The following UBR1 variants were observed in gnomAD, a reference collection of about 807,000 sequenced individuals.
UBR1 encodes the protein ubiquitin protein ligase E3 component n-recognin 1.
A neutral mutation model predicts 242.1 loss-of-function variants in UBR1; 102 were observed. The ratio of observed to expected loss-of-function variants is 0.42; its 90% confidence interval spans 0.36 to 0.50. The LOEUF (loss-of-function observed/expected upper bound fraction) is 0.50, where lower values mean the gene tolerates loss of function less well. Ranked by LOEUF, UBR1 falls within the 20% of genes least tolerant of loss-of-function variation. The pLI, the probability that UBR1 is intolerant of heterozygous loss-of-function variation, is 0.01. For missense variants in UBR1, 1,772 were observed against 2,101.8 expected (o/e 0.84, Z 3.07); for synonymous variants, 675 against 684.8 (o/e 0.99, Z 0.22).
intron 6 of UBR1, among the ~76,000 whole-genome samples, chr15:43,063,629 C>T (rs2033714698): frequency 6.6e-6 from 1 of 152,048 alleles, no homozygotes; most frequent in Non-Finnish European, 1.5e-5. Context: ...CATACTGAGA[C>T]CCTGTCTCTT....
intron 27 of UBR1, 66 bp from the exon 28 acceptor site, chr15:43,017,247 A>G (rs1567127006): frequency 2.7e-6 from 3 of 1,099,996 alleles, no homozygotes; most frequent in Non-Finnish European, 4.1e-6. Context: ...GAACAGAAAC[A>G]TTCACTAATC....
intron 29 of UBR1, among the ~76,000 whole-genome samples, chr15:43,013,508 C>A (rs1471776379): frequency 6.6e-6 from 1 of 152,094 alleles, no homozygotes; most frequent in East Asian, 1.9e-4. Context: ...TATAAGCCAC[C>A]TTTTTCAGGC....
intron 25 of UBR1, among the ~76,000 whole-genome samples, chr15:43,024,333 G>A (rs913818727): frequency 6.6e-6 from 1 of 152,158 alleles, no homozygotes; most frequent in African/African-American, 2.4e-5. Flanking sequence ...ATTAAGTAAC[G>A]TGTATTTATC....
chr15:42,970,981 C>G (rs761758680), intron 39 of UBR1, among the ~76,000 whole-genome samples: 1 of 152,184 alleles, frequency 6.6e-6, no homozygotes, highest in South Asian at 2.1e-4. Context: ...TTCCAAAGTG[C>G]TGGAATTACA....
At chr15:43,083,349 T>C (rs1321934295) in intron 2 of UBR1, among the ~76,000 whole-genome samples, 2 of 152,158 alleles carry the variant, frequency 1.3e-5, no homozygotes, top group Non-Finnish European at 2.9e-5. Flanking sequence ...AAGAACAATA[T>C]AAATTAGTGC....
intron 19 of UBR1, among the ~76,000 whole-genome samples, chr15:43,034,401 C>T (rs746548802): frequency 2.6e-5 from 4 of 151,818 alleles, no homozygotes; most frequent in Admixed American, 6.6e-5. Flanking sequence ...GATGGCGCCA[C>T]AGCACTCCAG....
intron 1 of UBR1, among the ~76,000 whole-genome samples, chr15:43,094,580 C>A (rs753630052): frequency 2.0e-5 from 3 of 151,820 alleles, no homozygotes; most frequent in African/African-American, 7.3e-5. Flanking sequence ...GCAAGCAAAG[C>A]ATTCTTTGGC....
chr15:43,030,829 C>T (rs911971296), intron 20 of UBR1, among the ~76,000 whole-genome samples: 7 of 152,188 alleles, frequency 4.6e-5, no homozygotes, highest in African/African-American at 1.7e-4. Flanking sequence ...TACAAAGAAA[C>T]CCCTTGCCTA....
intron 19 of UBR1, among the ~76,000 whole-genome samples, chr15:43,033,676 T>A (rs540721796): frequency 1.3e-5 from 2 of 152,164 alleles, no homozygotes; most frequent in African/African-American, 4.8e-5. Flanking sequence ...AAAATTTATA[T>A]ATTTATTTAT....
At chr15:42,982,669 T>C (rs1789601777) in intron 37 of UBR1, among the ~76,000 whole-genome samples, 1 of 152,050 alleles carries the variant, frequency 6.6e-6, no homozygotes, top group Admixed American at 6.6e-5. Flanking sequence ...CTTGTGGGGA[T>C]TGACAAGGAA....
chr15:43,056,550 T>A, intron 10 of UBR1, 108 bp from the exon 11 acceptor site: 1 of 712,248 alleles, frequency 1.4e-6, no homozygotes, highest in East Asian at 2.7e-5. Flanking sequence ...AAATGTCAAG[T>A]AATATAATTC....
intron 3 of UBR1, among the ~76,000 whole-genome samples, chr15:43,080,980 T>G (rs1317621943): frequency 1.3e-5 from 2 of 152,210 alleles, no homozygotes; most frequent in Non-Finnish European, 2.9e-5. Flanking sequence ...TGCAGTTTTT[T>G]TGTATGGACA....
At position 42,943,492 on chromosome 15, in the gene UBR1, T is replaced by C. The variant is rs1347441691; in HGVS notation, c.*1837A>G. On this transcript the variant is annotated 3_prime_UTR_variant, in exon 47 of 47. Coordinates refer to ENST00000290650, the MANE Select transcript of UBR1 (RefSeq NM_174916.3). ...GGAACGCAATATGAAATGGGTTCTT[T>C]GGCAGTAAAGGTCTGGCTGGCCATT... The C allele has an allele frequency of 6.6e-6, 1 of 152,598 alleles. No homozygotes were observed. The highest frequency in any genetic ancestry group is 1.5e-5 in the Non-Finnish European group (1 of 68,048). 9.5% of individuals were successfully genotyped at this position (152,598 alleles called of 1,614,324 possible). A position where few individuals can be genotyped will look rare whatever the true frequency, so the allele number is the denominator to read the frequency against.
At chr15:42,979,467 C>T (rs1158220144) in intron 37 of UBR1, among the ~76,000 whole-genome samples, 1 of 152,160 alleles carries the variant, frequency 6.6e-6, no homozygotes, top group African/African-American at 2.4e-5. Context: ...TGGTCATGGG[C>T]AAGTGACAGG....
At chr15:42,952,802 AT>A (rs1567106397) in intron 44 of UBR1, among the ~76,000 whole-genome samples, 1 of 152,138 alleles carries the variant, frequency 6.6e-6, no homozygotes, top group Admixed American at 6.6e-5. Context: ...CCTCCTCTGT[AT>A]TGTGTTAGTC....
At chr15:43,081,722 T>A (rs2033976975) in intron 3 of UBR1, among the ~76,000 whole-genome samples, 1 of 152,168 alleles carries the variant, frequency 6.6e-6, no homozygotes, top group South Asian at 2.1e-4. Context: ...GGCCTTTTTT[T>A]AAGATGTATG....
chr15:43,042,368 C>G (rs958601850), intron 15 of UBR1, among the ~76,000 whole-genome samples: 3 of 151,994 alleles, frequency 2.0e-5, no homozygotes, highest in Admixed American at 2.0e-4. Context: ...AAAGGGAATT[C>G]TGAGATGTAC....
chr15:43,083,602 G>A (rs1208984330), intron 2 of UBR1, among the ~76,000 whole-genome samples: 4 of 151,704 alleles, frequency 2.6e-5, no homozygotes, highest in Middle Eastern at 3.4e-3. Flanking sequence ...GGCTGGTCTC[G>A]AACTCCTGAC....
At chr15:42,979,019 C>T (rs375438894) in intron 37 of UBR1, among the ~76,000 whole-genome samples, 6 of 151,052 alleles carry the variant, frequency 4.0e-5, no homozygotes, top group Non-Finnish European at 8.9e-5. Context: ...CTCAGCCTCC[C>T]GAGTAGCTGG....
Sources: allele counts gnomAD v4.1 joint callset (sites outside exome capture counted in the v4.1 genomes callset), GRCh38; gene constraint gnomAD v4.1.1; transcripts MANE v1.5; gene names NCBI Gene and HGNC (gene_info 2026-07-23, HGNC 2026-07-21).